Variants in RP1 observed in about 807,000 individuals in gnomAD.
RP1 encodes oxygen-regulated protein 1.
A neutral mutation model predicts 14.8 loss-of-function variants in RP1; 16 were observed. That is an observed-to-expected ratio of 1.08 (90% CI 0.73 to 1.65). The LOEUF (loss-of-function observed/expected upper bound fraction) is 1.65. Ranked by LOEUF, RP1 falls within the 40% of genes most tolerant of loss-of-function variation. The probability of loss-of-function intolerance (pLI) is 0.00; values close to 1 mark genes in which losing one functional copy is unlikely to be tolerated. For synonymous variants in RP1, 876 were observed against 883.6 expected, an observed-to-expected ratio of 0.99 and a Z score of 0.15; for missense variants, 2,631 against 2,535.0, an observed-to-expected ratio of 1.04 and a Z score of -0.81.
intron 1 of RP1, among the ~76,000 whole-genome samples, chr8:54,610,970 A>G (rs1805576620): frequency 6.6e-6 from 1 of 152,138 alleles, no homozygotes; most frequent in African/African-American, 2.4e-5. Context: ...GACTGTCTTA[A>G]TTTTGCCCTC....
At chr8:54,778,940 A>T (rs1810113296) in intron 23 of RP1, among the ~76,000 whole-genome samples, 1 of 152,138 alleles carries the variant, frequency 6.6e-6, no homozygotes, top group Non-Finnish European at 1.5e-5. Context: ...GTAATGATAG[A>T]GAAAGTTTTA....
intron 12 of RP1, among the ~76,000 whole-genome samples, chr8:54,682,890 T>C (rs1211020765): frequency 1.3e-5 from 2 of 152,174 alleles, no homozygotes; most frequent in African/African-American, 2.4e-5. Context: ...GTGTCCTGAA[T>C]AGTATTGCCT....
rs1209660272 is a variant in RP1 at position 54,626,036 on chromosome 8, T to C, written c.2154T>C (p.Asp718=). The change falls in exon 4 of 4, where the codon GAT becomes GAC. Residue 718 remains aspartate (D), a synonymous_variant. Coordinates refer to ENST00000220676, the MANE Select transcript of RP1 (RefSeq NM_006269.2). The part of the protein sequence containing the change: ...ITKEMIVQDS[D]SPLKGGILCE... The stretch of plus-strand genomic sequence containing the variant: ...AGGAAATGATAGTGCAAGATTCAGA[T>C]AGTCCCCTTAAAGGAGGGATACTTT... The C allele has an allele frequency of 1.2e-6, 2 of 1,613,922 alleles. No individual in the cohort carries two copies. The highest frequency in any genetic ancestry group is 1.7e-6 in the Non-Finnish European group (2 of 1,179,902).
chr8:54,842,655 A>C (rs1811814706), intron 25 of RP1, among the ~76,000 whole-genome samples: 1 of 152,222 alleles, frequency 6.6e-6, no homozygotes, highest in Non-Finnish European at 1.5e-5. Context: ...CCCCACTGAC[A>C]GAGTGACCCT....
intron 24 of RP1, among the ~76,000 whole-genome samples, chr8:54,793,063 T>G (rs2129385409): frequency 6.6e-6 from 1 of 151,982 alleles, no homozygotes; most frequent in Non-Finnish European, 1.5e-5. Context: ...AACTATTATG[T>G]GTCAACAAAT....
chr8:54,624,611 T>C, intron 3 of RP1, 59 bp from the exon 4 acceptor site: 1 of 1,556,280 alleles, frequency 6.4e-7, no homozygotes, highest in Non-Finnish European at 8.8e-7. Flanking sequence ...ATTTCTAACT[T>C]CTCTGCCTTC....
chr8:54,835,183 G>A (rs1346830500), intron 24 of RP1, among the ~76,000 whole-genome samples: 1 of 152,020 alleles, frequency 6.6e-6, no homozygotes, highest in Non-Finnish European at 1.5e-5. Flanking sequence ...AAATTTCTAG[G>A]CATATTACAT....
At chr8:54,652,309 T>G (rs752359583) in intron 4 of RP1, among the ~76,000 whole-genome samples, 16 of 152,252 alleles carry the variant, frequency 1.1e-4, no homozygotes, top group Non-Finnish European at 2.4e-4. Context: ...TACTGATTTC[T>G]GGATTCATTC....
chr8:54,714,325 G>A (rs1193642693), intron 15 of RP1, among the ~76,000 whole-genome samples: 1 of 152,172 alleles, frequency 6.6e-6, no homozygotes, highest in Admixed American at 6.5e-5. Context: ...TAACAAATTA[G>A]CCACAAGATT....
intron 24 of RP1, among the ~76,000 whole-genome samples, chr8:54,791,929 A>G (rs918976475): frequency 1.3e-5 from 2 of 152,052 alleles, no homozygotes; most frequent in Non-Finnish European, 1.5e-5. Flanking sequence ...GAATGGATTA[A>G]AAAACAAGAT....
At chr8:54,808,970 T>C (rs1031436354) in intron 24 of RP1, among the ~76,000 whole-genome samples, 2 of 152,236 alleles carry the variant, frequency 1.3e-5, no homozygotes, top group Non-Finnish European at 2.9e-5. Context: ...AATTTTATAA[T>C]GCTAATGAAG....
At chr8:54,639,763 T>C (rs1406375059) in intron 3 of RP1, among the ~76,000 whole-genome samples, 4 of 152,154 alleles carry the variant, frequency 2.6e-5, no homozygotes, top group South Asian at 2.1e-4. Flanking sequence ...GCTGCAAGAG[T>C]TCTTTACATA....
chr8:54,713,328 T>C (rs1808334905), intron 15 of RP1, among the ~76,000 whole-genome samples: 1 of 152,130 alleles, frequency 6.6e-6, no homozygotes, highest in Non-Finnish European at 1.5e-5. Flanking sequence ...CATAGGGACA[T>C]TTGTAAGGGT....
At chr8:54,607,827 A>G (rs1178776384) in intron 1 of RP1, among the ~76,000 whole-genome samples, 1 of 152,208 alleles carries the variant, frequency 6.6e-6, no homozygotes, top group Non-Finnish European at 1.5e-5. Context: ...CTCTGTGGGC[A>G]TAGGACCCTC....
intron 1 of RP1, among the ~76,000 whole-genome samples, chr8:54,607,508 G>A (rs1404448206): frequency 2.6e-5 from 4 of 152,188 alleles, no homozygotes; most frequent in African/African-American, 9.7e-5. Context: ...CACTTGAGGA[G>A]GCAGTCTGTC....
intron 1 of RP1, among the ~76,000 whole-genome samples, chr8:54,598,093 T>A (rs539738510): frequency 6.6e-6 from 1 of 152,176 alleles, no homozygotes; most frequent in Non-Finnish European, 1.5e-5. Context: ...GAGAATATTA[T>A]ATAAATTAAA....
intron 24 of RP1, among the ~76,000 whole-genome samples, chr8:54,817,210 G>A (rs1034084679): frequency 6.6e-6 from 1 of 152,062 alleles, no homozygotes; most frequent in African/African-American, 2.4e-5. Flanking sequence ...CCAGTCCCTA[G>A]AACAATGGCT....
In RP1 at chr8:54,626,778, A is replaced by C. The variant is rs1404194299; in HGVS notation, c.2896A>C (p.Asn966His). Reference sequence around the variant, plus strand: ...CCATACAAATTCTGGAAAAATAAGTAATTTTGTTATGGAAAGTAATAAGCA... The same window carrying C: ...CCATACAAATTCTGGAAAAATAAGTCATTTTGTTATGGAAAGTAATAAGCA... Reference protein sequence around the residue: ...DPHTNSGKISNFVMESNKHIT... With the variant: ...DPHTNSGKISHFVMESNKHIT... The change falls in exon 4 of 4, where the codon AAT (asparagine) becomes CAT (histidine). Residue 966 changes from asparagine to histidine, a missense_variant. Transcript: ENST00000220676. 6.2e-7 allele frequency: 1 copy of C among 1,613,830 alleles called. No individual in the cohort carries two copies.
chr8:54,751,243 A>T (rs1809362534), intron 19 of RP1, among the ~76,000 whole-genome samples: 1 of 152,198 alleles, frequency 6.6e-6, no homozygotes, highest in African/African-American at 2.4e-5. Flanking sequence ...AGGTGTTTTG[A>T]TCTCATTTTA....
Sources: gnomAD v4.1 joint callset for allele counts (sites outside exome capture counted in the v4.1 genomes callset) on GRCh38, gnomAD v4.1.1 for gene constraint, MANE v1.5 for transcripts, NCBI Gene and HGNC (gene_info 2026-07-23, HGNC 2026-07-21) for gene names.